Variants in FAM78B observed in about 807,000 individuals in gnomAD.
FAM78B encodes protein FAM78B.
Under a neutral mutation model 20.0 loss-of-function variants are expected in FAM78B, and 10 were observed. The observed-to-expected ratio is 0.50, with a 90% CI of 0.31 to 0.85. The LOEUF is 0.85. Ranked by LOEUF, FAM78B falls within the 40% of genes least tolerant of loss-of-function variation. The probability of loss-of-function intolerance (pLI) is 0.05; values close to 1 mark genes in which losing one functional copy is unlikely to be tolerated. For synonymous variants in FAM78B, 135 were observed against 132.8 expected, an observed-to-expected ratio of 1.02 and a Z score of -0.12; for missense variants, 283 against 345.0, an observed-to-expected ratio of 0.82 and a Z score of 1.42.
rs1651963464 is a variant in FAM78B at position 166,070,186 on chromosome 1, C to G, written c.*55G>C. On this transcript the variant is annotated 3_prime_UTR_variant, in exon 2 of 2. Coordinates refer to ENST00000354422, the MANE Select transcript of FAM78B (RefSeq NM_001017961.5). Reference sequence around the variant, plus strand: ...GTTTGGCTCCTGCCACCCCTGGCACCCTCACTGCATGTCTCAGAGGCGTGT... The same window carrying G: ...GTTTGGCTCCTGCCACCCCTGGCACGCTCACTGCATGTCTCAGAGGCGTGT... 1 of 1,444,602 alleles carries G rather than the reference C, an allele frequency of 6.9e-7. No homozygotes were observed. The highest frequency in any genetic ancestry group is 1.4e-5 in the African/African-American group (1 of 70,742). The allele number at this position is 1,444,602 out of a possible 1,614,324, so 89.5% of individuals were successfully genotyped here.
chr1:166,077,451 A>C (rs60937909), intron 1 of FAM78B, among the ~76,000 whole-genome samples: 23,275 of 151,708 alleles, frequency 0.15, 1,973 homozygotes, highest in African/African-American at 0.23. Context: ...TGTGTAAAAC[A>C]GGAAGAAAAA....
intron 1 of FAM78B, among the ~76,000 whole-genome samples, chr1:166,121,614 T>C (rs1158571823): frequency 6.6e-6 from 1 of 152,158 alleles, no homozygotes; most frequent in Non-Finnish European, 1.5e-5. Context: ...GGTAATGACC[T>C]TTGATAGCCC....
chr1:166,100,513 T>C (rs1462540228), intron 1 of FAM78B, among the ~76,000 whole-genome samples: 1 of 152,222 alleles, frequency 6.6e-6, no homozygotes, highest in Non-Finnish European at 1.5e-5. Flanking sequence ...GCTTTTCCGA[T>C]GGTCTTAGCA....
chr1:166,059,329 G>A (rs1376341579), exon 3 of FAM78B: 3 of 152,730 alleles, frequency 2.0e-5, no homozygotes, highest in Admixed American at 6.5e-5. Context: ...GAGGACTCCA[G>A]AGAAAGCTTG....
At chr1:166,094,233 G>A (rs1456134456) in intron 1 of FAM78B, among the ~76,000 whole-genome samples, 1 of 152,136 alleles carries the variant, frequency 6.6e-6, no homozygotes, top group African/African-American at 2.4e-5. Context: ...GGCAAGCAAG[G>A]AGCAGGAACA....
At position 166,166,425 on chromosome 1, in the gene FAM78B, C is replaced by T. The variant is rs1454185803; in HGVS notation, c.-177G>A. The T allele has an allele frequency of 1.2e-4, 46 of 390,216 alleles. No homozygotes were observed. The highest frequency in any genetic ancestry group is 1.6e-4 in the Non-Finnish European group (44 of 281,538). 24.2% of individuals were successfully genotyped at this position (390,216 alleles called of 1,614,324 possible). A position where few individuals can be genotyped will look rare whatever the true frequency, so the allele number is the denominator to read the frequency against. On this transcript the variant is annotated 5_prime_UTR_variant, in exon 1 of 2. Transcript: ENST00000354422. ...TTGGGGAAGCCCCCTCCTCTTGCAG[C>T]CGCGCGGGGTCCCCGCTGCCCCGAC...
At chr1:166,132,265 C>G (rs1419245747) in intron 1 of FAM78B, among the ~76,000 whole-genome samples, 1 of 151,700 alleles carries the variant, frequency 6.6e-6, no homozygotes, top group African/African-American at 2.4e-5. Context: ...TCTTTGCTAC[C>G]CAGAAGAGTG....
At chr1:166,090,563 C>T (rs552490997) in intron 1 of FAM78B, among the ~76,000 whole-genome samples, 1 of 151,194 alleles carries the variant, frequency 6.6e-6, no homozygotes, top group African/African-American at 2.5e-5. Context: ...GAAGGGAATG[C>T]AGTCCCAATC....
chr1:166,111,473 T>A (rs937770244), intron 1 of FAM78B, among the ~76,000 whole-genome samples: 2 of 152,248 alleles, frequency 1.3e-5, no homozygotes, highest in Non-Finnish European at 2.9e-5. Flanking sequence ...GGAGCAGCTG[T>A]CTACAGCAGT....
chr1:166,086,144 A>G (rs764854046), intron 1 of FAM78B, among the ~76,000 whole-genome samples: 14 of 151,998 alleles, frequency 9.2e-5, no homozygotes, highest in East Asian at 1.9e-4. Flanking sequence ...CACAAAGCAA[A>G]TAAGTGGCAG....
Position 166,166,361 on chromosome 1 carries a change from C to G in FAM78B, c.-113G>C, listed in dbSNP as rs2101811979. The G allele has an allele frequency of 1.0e-6, 1 of 959,256 alleles. No homozygotes were observed. The highest frequency in any genetic ancestry group is 1.3e-6 in the Non-Finnish European group (1 of 794,454). The allele number at this position is 959,256 out of a possible 1,614,324, so 59.4% of individuals were successfully genotyped here. On this transcript the variant is annotated 5_prime_UTR_variant, in exon 1 of 2. Coordinates refer to ENST00000354422, the MANE Select transcript of FAM78B (RefSeq NM_001017961.5). ...GACGCGCCGCTCGCTCCCGGTCAGA[C>G]TCAGCTCGCACCTAGGAGCGGGGAG...
At chr1:166,071,459 A>G (rs1255205979) in intron 1 of FAM78B, among the ~76,000 whole-genome samples, 1 of 152,196 alleles carries the variant, frequency 6.6e-6, no homozygotes, top group African/African-American at 2.4e-5. Context: ...CTCACAGCTT[A>G]GTTTGGCAAA....
intron 1 of FAM78B, among the ~76,000 whole-genome samples, chr1:166,124,886 G>A (rs1341503550): frequency 6.6e-6 from 1 of 152,188 alleles, no homozygotes; most frequent in Non-Finnish European, 1.5e-5. Context: ...CTGCATCCTG[G>A]CAGACCTGGT....
At chr1:166,099,042 G>C (rs1206492357) in intron 1 of FAM78B, among the ~76,000 whole-genome samples, 12 of 152,196 alleles carry the variant, frequency 7.9e-5, no homozygotes, top group African/African-American at 2.9e-4. Flanking sequence ...ATTAACAGCA[G>C]ATTTCTCAGC....
intron 1 of FAM78B, 122 bp downstream of exon 1, chr1:166,165,864 G>T: frequency 1.7e-6 from 2 of 1,161,154 alleles, no homozygotes; most frequent in South Asian, 2.9e-5. Flanking sequence ...GAGAGGAGGC[G>T]GGAGGAAGGT....
intron 1 of FAM78B, among the ~76,000 whole-genome samples, chr1:166,094,956 A>ATC (rs1653220884): frequency 6.6e-6 from 1 of 152,178 alleles, no homozygotes. Context: ...GGTTCTGTCT[A>ATC]TAAGAAAATA....
intron 1 of FAM78B, among the ~76,000 whole-genome samples, chr1:166,088,690 C>G (rs1346444724): frequency 6.6e-6 from 1 of 152,158 alleles, no homozygotes; most frequent in Non-Finnish European, 1.5e-5. Flanking sequence ...CTGTGAAGGG[C>G]TTCCTGACTG....
intron 2 of FAM78B, among the ~76,000 whole-genome samples, chr1:166,063,048 C>T (rs1235662215): frequency 6.6e-6 from 1 of 152,172 alleles, no homozygotes; most frequent in African/African-American, 2.4e-5. Context: ...TCATGGAGCC[C>T]CTGGGCCAGG....
downstream of FAM78B, among the ~76,000 whole-genome samples, chr1:166,064,546 T>G (rs1258703755): frequency 1.3e-5 from 2 of 152,156 alleles, no homozygotes; most frequent in African/African-American, 4.8e-5. Context: ...CCTGGAGTGC[T>G]ATGCAAAAAT....
Sources: gnomAD v4.1 joint callset for allele counts (sites outside exome capture counted in the v4.1 genomes callset) on GRCh38, gnomAD v4.1.1 for gene constraint, MANE v1.5 for transcripts, NCBI Gene and HGNC (gene_info 2026-07-23, HGNC 2026-07-21) for gene names.